The following EXT1 variants were observed in gnomAD, a reference collection of about 807,000 sequenced individuals.
The protein encoded by EXT1 is exostosin-1.
A neutral mutation model predicts 82.5 loss-of-function variants in EXT1; 20 were observed. That is an observed-to-expected ratio of 0.24 (90% CI 0.17 to 0.35). The LOEUF (loss-of-function observed/expected upper bound fraction) is 0.35, where lower values mean the gene tolerates loss of function less well. Among genes scored for constraint, EXT1 ranks in the 10% least tolerant of loss-of-function variants. The pLI is 1.00. For synonymous variants in EXT1, 348 were observed against 350.8 expected, an observed-to-expected ratio of 0.99 and a Z score of 0.09; for missense variants, 757 against 936.5, an observed-to-expected ratio of 0.81 and a Z score of 2.50.
intron 1 of EXT1, among the ~76,000 whole-genome samples, chr8:118,028,290 G>A (rs1055333409): frequency 6.6e-6 from 1 of 152,198 alleles, no homozygotes; most frequent in Non-Finnish European, 1.5e-5. Context: ...CTGGCCTCTA[G>A]GAAAAATAAA....
At chr8:117,936,538 T>C (rs1420615807) in intron 1 of EXT1, among the ~76,000 whole-genome samples, 1 of 152,220 alleles carries the variant, frequency 6.6e-6, no homozygotes, top group Non-Finnish European at 1.5e-5. Flanking sequence ...TTGGGAACTG[T>C]CTATCTTCTC....
intron 1 of EXT1, among the ~76,000 whole-genome samples, chr8:117,864,736 G>A (rs748053827): frequency 8.0e-5 from 11 of 137,882 alleles, no homozygotes; most frequent in African/African-American, 2.4e-4. Context: ...GCGACAGAGC[G>A]AGACTCTGCC....
chr8:117,933,849 C>G (rs1814107291), intron 1 of EXT1, among the ~76,000 whole-genome samples: 1 of 152,106 alleles, frequency 6.6e-6, no homozygotes, highest in Admixed American at 6.5e-5. Flanking sequence ...TAATTGTTTT[C>G]AAACAAACAA....
intron 1 of EXT1, among the ~76,000 whole-genome samples, chr8:118,084,173 A>T (rs1175014477): frequency 1.3e-5 from 2 of 152,182 alleles, no homozygotes; most frequent in South Asian, 4.1e-4. Context: ...GAGATTCAAG[A>T]TCCTCAACTA....
At chr8:117,923,543 C>A (rs527733656) in intron 1 of EXT1, among the ~76,000 whole-genome samples, 2 of 149,758 alleles carry the variant, frequency 1.3e-5, no homozygotes, top group South Asian at 4.2e-4. Context: ...CGGTGAAACC[C>A]CATCTCTACT....
intron 3 of EXT1, among the ~76,000 whole-genome samples, chr8:117,831,132 G>A (rs927399167): frequency 6.6e-6 from 1 of 152,180 alleles, no homozygotes; most frequent in Non-Finnish European, 1.5e-5. Context: ...TATTTTTAAT[G>A]GTAGTATAAC....
intron 1 of EXT1, among the ~76,000 whole-genome samples, chr8:118,031,839 C>T (rs1336474162): frequency 6.6e-6 from 1 of 152,064 alleles, no homozygotes; most frequent in Non-Finnish European, 1.5e-5. Context: ...CTGAAGATAA[C>T]TGTTAAATTT....
chr8:117,813,485 G>A (rs1411980371), intron 7 of EXT1, among the ~76,000 whole-genome samples: 2 of 147,036 alleles, frequency 1.4e-5, no homozygotes, highest in Admixed American at 1.4e-4. Context: ...CTTCCCAACC[G>A]AAAGAGTGAA....
intron 1 of EXT1, among the ~76,000 whole-genome samples, chr8:118,027,474 G>A (rs1816223979): frequency 6.6e-6 from 1 of 152,192 alleles, no homozygotes; most frequent in African/African-American, 2.4e-5. Flanking sequence ...AAATGGCAGA[G>A]CCAGACTCTA....
intron 8 of EXT1, among the ~76,000 whole-genome samples, chr8:117,809,245 T>TATATATATATATATATATATATATA (rs1563874289): frequency 4.5e-5 from 3 of 66,050 alleles, no homozygotes; most frequent in African/African-American, 7.9e-5. Flanking sequence ...ATATATATAT[T>TATATATATATATATATATATATATA]ATGTTCTATT....
chr8:117,809,545 G>A (rs1586991478), intron 8 of EXT1, among the ~76,000 whole-genome samples: 1 of 151,510 alleles, frequency 6.6e-6, no homozygotes, highest in South Asian at 2.1e-4. Flanking sequence ...GCTGAGGCAC[G>A]AGAATTGCTT....
intron 8 of EXT1, 143 bp downstream of exon 8, chr8:117,812,729 C>A: frequency 3.4e-5 from 26 of 764,800 alleles, no homozygotes; most frequent in South Asian, 3.1e-5. Flanking sequence ...AGGAATCGGG[C>A]TGATTAAAAC....
chr8:117,993,186 C>T (rs1276466143), intron 1 of EXT1, among the ~76,000 whole-genome samples: 1 of 152,078 alleles, frequency 6.6e-6, no homozygotes, highest in African/African-American at 2.4e-5. Context: ...ATTAAATGAA[C>T]AGGGAGCTGT....
rs565274250 is a variant in EXT1 at position 118,037,144 on chromosome 8, T to C, written c.962+72941A>G. Among the ~76,000 whole-genome samples the C allele has an allele frequency of 5.3e-5, 8 of 152,334 alleles. No homozygotes were observed. In the South Asian group the frequency reaches 1.7e-3, roughly 32 times the overall value. ...TTAAACATCACATCTTCTAACTTTA[T>C]GATCAATGCTTGTGATTCTCTTCAG... On this transcript the variant is annotated intron_variant, in intron 1 of 10. Coordinates refer to ENST00000378204, the MANE Select transcript of EXT1 (RefSeq NM_000127.3).
At chr8:117,914,661 G>A (rs1384376050) in intron 1 of EXT1, among the ~76,000 whole-genome samples, 1 of 152,162 alleles carries the variant, frequency 6.6e-6, no homozygotes, top group Non-Finnish European at 1.5e-5. Flanking sequence ...ATGCGGTTGA[G>A]ATAAGAACTG....
chr8:117,828,654 T>C (rs1812046923), intron 4 of EXT1, among the ~76,000 whole-genome samples: 1 of 152,114 alleles, frequency 6.6e-6, no homozygotes. Flanking sequence ...TGAACAGAGG[T>C]AACAACTCAA....
chr8:117,862,223 G>T lies in EXT1; in HGVS notation c.963-25022C>A, dbSNP rs117832874. On this transcript the variant is annotated intron_variant, in intron 1 of 10. Coordinates refer to ENST00000378204, the MANE Select transcript of EXT1 (RefSeq NM_000127.3). ...TTACAATCATTAAGAATGCAGCCAC[G>T]CAATTCAACCAGTAGATGGGGCACA... Among the ~76,000 whole-genome samples, 284 of 145,578 alleles carry T rather than the reference G, an allele frequency of 2.0e-3. 39 individuals are homozygous for T. Among genetic ancestry groups the T allele is most frequent in the Non-Finnish European group, 3.5e-3 (229 of 64,746 alleles).
chr8:118,060,045 T>A (rs1024328967), intron 1 of EXT1, among the ~76,000 whole-genome samples: 2 of 152,196 alleles, frequency 1.3e-5, no homozygotes, highest in Non-Finnish European at 2.9e-5. Context: ...CCAAAAATAC[T>A]ACCATCATCA....
intron 1 of EXT1, among the ~76,000 whole-genome samples, chr8:117,950,683 G>A (rs1472903044): frequency 3.3e-5 from 5 of 152,202 alleles, no homozygotes; most frequent in Non-Finnish European, 7.3e-5. Flanking sequence ...GAGAAGAAAT[G>A]AGTTTAAAAA....
Sources: allele counts gnomAD v4.1 joint callset (sites outside exome capture counted in the v4.1 genomes callset), GRCh38; gene constraint gnomAD v4.1.1; transcripts MANE v1.5; gene names NCBI Gene and HGNC (gene_info 2026-07-23, HGNC 2026-07-21).